PRDM11: variants seen among roughly 807,000 people sequenced by gnomAD.
The protein encoded by PRDM11 is PR/SET domain 11, also known as PR domain-containing protein 11.
PRDM11 carries 20 observed loss-of-function variants against 97.8 expected under a neutral mutation model. The ratio of observed to expected loss-of-function variants is 0.20; its 90% CI spans 0.14 to 0.30. PRDM11 has a LOEUF of 0.30. Among genes scored for constraint, PRDM11 ranks in the 10% least tolerant of loss-of-function variants. The pLI, the probability that PRDM11 is intolerant of heterozygous loss-of-function variation, is 1.00. For missense variants in PRDM11, 1,139 were observed against 1,555.2 expected (o/e 0.73, Z 4.50); for synonymous variants, 599 against 637.7 (o/e 0.94, Z 0.91).
intron 5 of PRDM11, chr11:45,213,365 C>A: frequency 2.2e-6 from 1 of 450,918 alleles, no homozygotes; most frequent in Non-Finnish European, 4.5e-6. Flanking sequence ...CAGTGGGGAG[C>A]ATCCGAATGG....
intron 1 of PRDM11, among the ~76,000 whole-genome samples, chr11:45,112,462 G>T (rs944881637): frequency 5.9e-5 from 9 of 152,218 alleles, no homozygotes; most frequent in African/African-American, 2.2e-4. Context: ...CCAGTAGTGG[G>T]ATTGCTAGAT....
intron 1 of PRDM11, among the ~76,000 whole-genome samples, chr11:45,105,783 G>A (rs1316958104): frequency 6.6e-6 from 1 of 152,198 alleles, no homozygotes; most frequent in Non-Finnish European, 1.5e-5. Context: ...GGCAGTGGAG[G>A]AGCCCATGGC....
intron 6 of PRDM11, among the ~76,000 whole-genome samples, chr11:45,220,967 G>C (rs1277198319): frequency 6.6e-6 from 1 of 152,010 alleles, no homozygotes; most frequent in Non-Finnish European, 1.5e-5. Context: ...GAGTCTATCT[G>C]GTGCCAGGAA....
chr11:45,108,597 G>A (rs1452855153), intron 1 of PRDM11, among the ~76,000 whole-genome samples: 1 of 151,400 alleles, frequency 6.6e-6, no homozygotes, highest in Non-Finnish European at 1.5e-5. Context: ...TCCAGAGGCA[G>A]GTGTGTCCTC....
intron 1 of PRDM11, among the ~76,000 whole-genome samples, chr11:45,165,190 G>A (rs1852032512): frequency 1.3e-5 from 2 of 152,214 alleles, no homozygotes; most frequent in African/African-American, 4.8e-5. Flanking sequence ...CCTCTTGCCA[G>A]TGGACTGCAG....
At chr11:45,202,594 G>A (rs1057499924) in intron 4 of PRDM11, among the ~76,000 whole-genome samples, 5 of 152,180 alleles carry the variant, frequency 3.3e-5, no homozygotes, top group African/African-American at 9.7e-5. Context: ...CCTGTATGTT[G>A]CTCTTTGAAA....
rs575861337 is a variant in PRDM11 at position 45,234,008 on chromosome 11, A to G, written c.*5849A>G. 6.6e-6 allele frequency: 1 copy of G among 152,416 alleles called. No homozygotes were observed. Among genetic ancestry groups the G allele is most frequent in the South Asian group, 2.1e-4 (1 of 4,834 alleles). 9.4% of individuals were successfully genotyped at this position (152,416 alleles called of 1,614,324 possible). ...CTGTTCGCATTCTGTGACTTGAGGC[A>G]GAGGCTGAGCTGGGATACCCCAAGC... On this transcript the variant is annotated 3_prime_UTR_variant, in exon 8 of 8. Transcript: ENST00000683152.
intron 5 of PRDM11, chr11:45,216,059 G>C (rs1423107769): frequency 6.6e-6 from 1 of 152,594 alleles, no homozygotes; most frequent in African/African-American, 2.4e-5. Context: ...TGTTGTCTTA[G>C]TACTTACCTA....
intron 1 of PRDM11, among the ~76,000 whole-genome samples, chr11:45,153,638 A>G (rs1286343459): frequency 1.3e-5 from 2 of 152,242 alleles, no homozygotes; most frequent in Non-Finnish European, 2.9e-5. Flanking sequence ...ATCTGGCCAC[A>G]GCCTCAGACA....
At chr11:45,097,384 G>A (rs560560528) in intron 1 of PRDM11, among the ~76,000 whole-genome samples, 5 of 152,318 alleles carry the variant, frequency 3.3e-5, no homozygotes, top group South Asian at 4.1e-4. Context: ...GCTACCAAAC[G>A]TGAGCATTTG....
At chr11:45,167,812 G>A (rs1450298961) in intron 1 of PRDM11, among the ~76,000 whole-genome samples, 2 of 148,592 alleles carry the variant, frequency 1.3e-5, no homozygotes, top group African/African-American at 2.5e-5. Flanking sequence ...CGCCATACTC[G>A]TCCATTGGAA....
rs1183339151 is a variant in PRDM11 at position 45,194,590 on chromosome 11, C to CTTTTTTTT, written c.487-10120_487-10119insTTTTTTTT. On this transcript the variant is annotated intron_variant, in intron 4 of 7. Coordinates refer to ENST00000683152, the MANE Select transcript of PRDM11 (RefSeq NM_001384648.1). ...AGTACTGTGGGATAGTTATTATCTT[C>CTTTTTTTT]TGTTTTTTTTTTTTTTTTTTTTTTT... Among the ~76,000 whole-genome samples, 484 of 89,944 alleles carry CTTTTTTTT rather than the reference C, an allele frequency of 5.4e-3. 81 individuals carry two copies. Among genetic ancestry groups the CTTTTTTTT allele is most frequent in the South Asian group, 0.011 (26 of 2,470 alleles). 59.0% of individuals were successfully genotyped at this position (89,944 alleles called of 152,430 possible).
chr11:45,162,077 C>T (rs1312528352), intron 1 of PRDM11, among the ~76,000 whole-genome samples: 1 of 152,224 alleles, frequency 6.6e-6, no homozygotes, highest in Non-Finnish European at 1.5e-5. Context: ...GTTCATTGAG[C>T]ACAGAGGTTT....
intron 1 of PRDM11, among the ~76,000 whole-genome samples, chr11:45,110,449 G>A (rs566537583): frequency 6.6e-6 from 1 of 152,278 alleles, no homozygotes; most frequent in Admixed American, 6.5e-5. Flanking sequence ...GGAGTTTGAG[G>A]AATTTCTTCT....
At chr11:45,104,941 C>G (rs915122229) in intron 1 of PRDM11, among the ~76,000 whole-genome samples, 2 of 152,220 alleles carry the variant, frequency 1.3e-5, no homozygotes, top group East Asian at 1.9e-4. Flanking sequence ...TAATTCCACC[C>G]CATTCCCATC....
intron 1 of PRDM11, among the ~76,000 whole-genome samples, chr11:45,119,007 A>T (rs1327241088): frequency 6.6e-6 from 1 of 152,218 alleles, no homozygotes; most frequent in African/African-American, 2.4e-5. Context: ...GAAAAATTAT[A>T]ATCCCTTTTG....
At chr11:45,212,842 T>A (rs1297402001) in intron 5 of PRDM11, 1 of 447,538 alleles carries the variant, frequency 2.2e-6, no homozygotes. Context: ...TGACCAGCCG[T>A]GTCGGTCAGA....
At chr11:45,143,585 G>A (rs1422109275), upstream of PRDM11, among the ~76,000 whole-genome samples, 2 of 152,182 alleles carry the variant, frequency 1.3e-5, no homozygotes. Context: ...CTGCATTATG[G>A]AAAAGGACAA....
At chr11:45,180,732 G>C (rs1445530015) in intron 1 of PRDM11, among the ~76,000 whole-genome samples, 1 of 149,892 alleles carries the variant, frequency 6.7e-6, no homozygotes, top group African/African-American at 2.4e-5. Flanking sequence ...TCCCCGCCGG[G>C]AAGGCTGGCG....
Sources: gnomAD v4.1 joint callset for allele counts (sites outside exome capture counted in the v4.1 genomes callset) on GRCh38, gnomAD v4.1.1 for gene constraint, MANE v1.5 for transcripts, NCBI Gene and HGNC (gene_info 2026-07-23, HGNC 2026-07-21) for gene names.